The following TMEM243 variants were observed in gnomAD, a reference collection of about 807,000 sequenced individuals.
TMEM243 encodes the protein transmembrane protein 243.
In TMEM243, 20 loss-of-function variants were observed where a neutral mutation model predicts 15.0. The ratio of observed to expected loss-of-function variants is 1.33; its 90% confidence interval spans 0.94 to 1.93. The LOEUF (loss-of-function observed/expected upper bound fraction) is 1.93. Among genes scored for constraint, TMEM243 ranks in the 30% most tolerant of loss-of-function variants. The pLI is 0.00. For missense variants in TMEM243, 156 were observed against 142.1 expected (o/e 1.10, Z -0.50); for synonymous variants, 72 against 52.7 (o/e 1.37, Z -1.59).
intron 1 of TMEM243, chr7:87,199,753 C>G (rs73208532): frequency 0.037 from 5,606 of 152,206 alleles, 126 homozygotes; most frequent in East Asian, 0.065. Context: ...ACAGGTTAAA[C>G]TAAATTTAGG....
chr7:87,205,837 G>C (rs1183513300), intron 1 of TMEM243, among the ~76,000 whole-genome samples: 1 of 152,076 alleles, frequency 6.6e-6, no homozygotes, highest in African/African-American at 2.4e-5. Flanking sequence ...CCTCCAAACT[G>C]TTCCAACCTG....
In TMEM243 at chr7:87,199,937, C is replaced by T. The variant is rs1255092534; in HGVS notation, c.79-880G>A. 2.0e-5 allele frequency among the ~76,000 whole-genome samples: 3 copies of T among 152,126 alleles called. No homozygotes were observed. The South Asian group carries it at 6.2e-4, about 31-fold the overall frequency. The stretch of plus-strand genomic sequence containing the variant: ...TGAGAAGTCAAAGCTGAGTCTTTAA[C>T]GAATCAGTCGTCTTAAATGTTGTTT... On this transcript the variant is annotated intron_variant, in intron 1 of 3. Transcript: ENST00000257637.
At chr7:87,207,773 G>A (rs142585617) in intron 1 of TMEM243, among the ~76,000 whole-genome samples, 120 of 152,178 alleles carry the variant, frequency 7.9e-4, no homozygotes, top group African/African-American at 2.6e-3. Context: ...AGACAGCATC[G>A]CAGGGAGTCC....
chr7:87,209,802 G>A (rs1359616440), intron 1 of TMEM243, among the ~76,000 whole-genome samples: 2 of 147,950 alleles, frequency 1.4e-5, no homozygotes, highest in African/African-American at 5.1e-5. Flanking sequence ...GCGAGACAGA[G>A]CGAGAGACAG....
chr7:87,212,568 T>G (rs1380722667), intron 1 of TMEM243, among the ~76,000 whole-genome samples: 6 of 152,160 alleles, frequency 3.9e-5, no homozygotes, highest in Admixed American at 3.3e-4. Flanking sequence ...ATACAATATT[T>G]TATTTACTAC....
chr7:87,204,689 G>A (rs1459640668), intron 1 of TMEM243, among the ~76,000 whole-genome samples: 1 of 152,236 alleles, frequency 6.6e-6, no homozygotes, highest in African/African-American at 2.4e-5. Flanking sequence ...CTGCCCCTGT[G>A]GCTTTGCAGG....
At chr7:87,215,826 C>T (rs1310034259) in intron 1 of TMEM243, among the ~76,000 whole-genome samples, 3 of 152,142 alleles carry the variant, frequency 2.0e-5, no homozygotes, top group Non-Finnish European at 2.9e-5. Flanking sequence ...AGATGAACAC[C>T]TTTCGTTTTT....
chr7:87,219,635 C>G lies in TMEM243; in HGVS notation c.-132G>C. The G allele has an allele frequency of 1.3e-6, 1 of 775,284 alleles. No homozygotes were observed. Among genetic ancestry groups the G allele is most frequent in the Non-Finnish European group, 2.1e-6 (1 of 468,736 alleles). The allele number at this position is 775,284 out of a possible 1,614,324, so 48.0% of individuals were successfully genotyped here. A position where few individuals can be genotyped will look rare whatever the true frequency, so the allele number is the denominator to read the frequency against. On this transcript the variant is annotated 5_prime_UTR_variant, in exon 1 of 4. Coordinates refer to ENST00000257637, the MANE Select transcript of TMEM243 (RefSeq NM_024315.4). ...CCGAACCCGAGTGGTCGGGGAAGCGCTGGCGCCAGGGATGGGTGGGGGCTC... is the reference window on the plus strand; with the variant it reads ...CCGAACCCGAGTGGTCGGGGAAGCGGTGGCGCCAGGGATGGGTGGGGGCTC...
chr7:87,216,445 C>T (rs1376103674), intron 1 of TMEM243, among the ~76,000 whole-genome samples: 1 of 152,048 alleles, frequency 6.6e-6, no homozygotes, highest in Non-Finnish European at 1.5e-5. Flanking sequence ...GACACTGCCT[C>T]AAAGACAAAA....
chr7:87,197,020 A>G (rs1161546366), intron 3 of TMEM243, among the ~76,000 whole-genome samples: 6 of 152,106 alleles, frequency 3.9e-5, no homozygotes, highest in African/African-American at 1.4e-4. Flanking sequence ...TCATCTGGCA[A>G]GCTATCCAAG....
intron 1 of TMEM243, among the ~76,000 whole-genome samples, chr7:87,217,128 A>T (rs1249484555): frequency 7.2e-5 from 11 of 152,194 alleles, no homozygotes; most frequent in Non-Finnish European, 1.3e-4. Flanking sequence ...GAGAGGCTAT[A>T]TGTGTCCGTT....
At chr7:87,209,123 C>T (rs1232247633) in intron 1 of TMEM243, among the ~76,000 whole-genome samples, 1 of 152,194 alleles carries the variant, frequency 6.6e-6, no homozygotes, top group Non-Finnish European at 1.5e-5. Flanking sequence ...CCAGTCCTAC[C>T]CTTGAAGCCT....
chr7:87,203,684 C>T (rs1302212349), intron 1 of TMEM243, among the ~76,000 whole-genome samples: 1 of 151,470 alleles, frequency 6.6e-6, no homozygotes, highest in East Asian at 1.9e-4. Context: ...TTCTGACAGC[C>T]AAGTGGGAAG....
At chr7:87,204,943 T>C (rs532451816) in intron 1 of TMEM243, among the ~76,000 whole-genome samples, 1 of 152,362 alleles carries the variant, frequency 6.6e-6, no homozygotes, top group African/African-American at 2.4e-5. Context: ...AACCTCTGCC[T>C]GGACATCCAG....
chr7:87,206,335 C>T (rs1207609912), intron 1 of TMEM243, among the ~76,000 whole-genome samples: 3 of 152,178 alleles, frequency 2.0e-5, no homozygotes, highest in Admixed American at 6.5e-5. Context: ...TGGGCACCTC[C>T]CCTCAGAGCA....
At chr7:87,207,967 C>A (rs576466088) in intron 1 of TMEM243, among the ~76,000 whole-genome samples, 4 of 152,140 alleles carry the variant, frequency 2.6e-5, no homozygotes, top group Non-Finnish European at 4.4e-5. Flanking sequence ...TTTACCACCA[C>A]GAGAACAGTA....
At chr7:87,204,175 C>T (rs951980712) in intron 1 of TMEM243, among the ~76,000 whole-genome samples, 1 of 152,156 alleles carries the variant, frequency 6.6e-6, no homozygotes, top group Non-Finnish European at 1.5e-5. Context: ...TCATTCACTA[C>T]TACGAGAACA....
intron 2 of TMEM243, 168 bp downstream of exon 2, chr7:87,198,839 A>T: frequency 1.8e-6 from 1 of 571,124 alleles, no homozygotes; most frequent in Non-Finnish European, 3.0e-6. Flanking sequence ...CACATATTCA[A>T]CCTGGGGGTG....
chr7:87,220,037 G>A (rs1402673875), upstream of TMEM243, among the ~76,000 whole-genome samples: 2 of 152,208 alleles, frequency 1.3e-5, no homozygotes, highest in Non-Finnish European at 1.5e-5. Context: ...AGAACGCATT[G>A]AGAACCCCTC....
Sources: allele counts gnomAD v4.1 joint callset (sites outside exome capture counted in the v4.1 genomes callset), GRCh38; gene constraint gnomAD v4.1.1; transcripts MANE v1.5; gene names NCBI Gene and HGNC (gene_info 2026-07-23, HGNC 2026-07-21).